The following TOX2 variants were observed in gnomAD, a reference collection of about 807,000 sequenced individuals.
The protein encoded by TOX2 is TOX high mobility group box family member 2, also known as granulosa cell HMG box 1.
A neutral mutation model predicts 47.4 loss-of-function variants in TOX2; 15 were observed. The ratio of observed to expected loss-of-function variants is 0.32; its 90% confidence interval spans 0.21 to 0.49. The LOEUF (loss-of-function observed/expected upper bound fraction) is 0.49, where lower values mean the gene tolerates loss of function less well. TOX2 is among the 20% of genes least tolerant of loss of function. TOX2 has a pLI of 0.99. For missense variants in TOX2, 622 were observed against 673.1 expected, an observed-to-expected ratio of 0.92 and a Z score of 0.84; for synonymous variants, 290 against 296.6, an observed-to-expected ratio of 0.98 and a Z score of 0.23.
chr20:44,053,613 T>C (rs1021748047), intron 4 of TOX2, among the ~76,000 whole-genome samples: 1 of 146,768 alleles, frequency 6.8e-6, no homozygotes, highest in Admixed American at 7.0e-5. Flanking sequence ...TATATACATA[T>C]ACACACACAC....
rs114015214 is a variant in TOX2, at chr20:44,005,319, A to G, written c.166-1228A>G. On this transcript the variant is annotated intron_variant, in intron 2 of 8. Transcript: ENST00000341197. ...AACTCTCTTTCATATTTCCTTTTTG[A>G]CCGTCTATGCCAAACTCTGGATAAT... Among the ~76,000 whole-genome samples the G allele has an allele frequency of 8.3e-3, 1,261 of 152,190 alleles. 23 individuals are homozygous for G. Among genetic ancestry groups the G allele is most frequent in the African/African-American group, 0.029 (1,186 of 41,520 alleles).
At chr20:43,999,105 G>A (rs1569079963) in intron 2 of TOX2, among the ~76,000 whole-genome samples, 1 of 152,142 alleles carries the variant, frequency 6.6e-6, no homozygotes, top group East Asian at 1.9e-4. Flanking sequence ...TTTTAGGCAT[G>A]TCTATTATAA....
intron 1 of TOX2, among the ~76,000 whole-genome samples, chr20:43,920,704 A>C (rs987376775): frequency 7.2e-5 from 11 of 151,934 alleles, no homozygotes; most frequent in African/African-American, 2.7e-4. Context: ...GCCTGTCAGC[A>C]CCCTTCTTTG....
intron 5 of TOX2, among the ~76,000 whole-genome samples, chr20:44,063,238 C>G (rs1408213117): frequency 6.6e-6 from 1 of 151,988 alleles, no homozygotes; most frequent in Non-Finnish European, 1.5e-5. Context: ...TCTATACTTT[C>G]GACAAAGGAC....
chr20:43,954,539 G>A (rs1032126333), intron 1 of TOX2, among the ~76,000 whole-genome samples: 10 of 152,186 alleles, frequency 6.6e-5, no homozygotes, highest in African/African-American at 2.2e-4. Flanking sequence ...AAACCTCTGC[G>A]GAAAGATGAA....
chr20:43,978,624 T>C (rs1231718290), intron 2 of TOX2, among the ~76,000 whole-genome samples: 2 of 152,220 alleles, frequency 1.3e-5, no homozygotes, highest in African/African-American at 4.8e-5. Flanking sequence ...CAAATGCCTA[T>C]TTGTTCCTTC....
At chr20:43,992,016 C>G (rs768369111) in intron 2 of TOX2, among the ~76,000 whole-genome samples, 3 of 152,148 alleles carry the variant, frequency 2.0e-5, no homozygotes, top group Non-Finnish European at 4.4e-5. Context: ...GGTAGGGGAG[C>G]TGGGTGTGCC....
chr20:43,990,578 C>T (rs542416786), intron 2 of TOX2, among the ~76,000 whole-genome samples: 2 of 152,346 alleles, frequency 1.3e-5, no homozygotes, highest in South Asian at 4.1e-4. Context: ...GGGGCCAGCA[C>T]ACCTAGGTGA....
chr20:44,037,806 GA>G (rs2071265245), intron 3 of TOX2, among the ~76,000 whole-genome samples: 1 of 152,168 alleles, frequency 6.6e-6, no homozygotes, highest in African/African-American at 2.4e-5. Context: ...AGAATGAACT[GA>G]TACAGAAAAT....
intron 1 of TOX2, among the ~76,000 whole-genome samples, chr20:43,942,903 T>A (rs985033594): frequency 4.6e-5 from 7 of 152,212 alleles, no homozygotes; most frequent in Non-Finnish European, 8.8e-5. Flanking sequence ...ACTAAAAAAA[T>A]GCTGAGTTTC....
intron 2 of TOX2, among the ~76,000 whole-genome samples, chr20:43,985,354 C>T (rs1386906387): frequency 1.3e-5 from 2 of 152,196 alleles, no homozygotes; most frequent in Non-Finnish European, 2.9e-5. Flanking sequence ...GAGGGCCCCG[C>T]AATGAGGCTG....
chr20:44,050,353 C>A (rs1025307411), intron 3 of TOX2, among the ~76,000 whole-genome samples: 2 of 152,090 alleles, frequency 1.3e-5, no homozygotes, highest in African/African-American at 2.4e-5. Context: ...AGAAAAGAAA[C>A]AACCCACATA....
At chr20:43,976,779 C>CGT (rs1569054295) in intron 2 of TOX2, among the ~76,000 whole-genome samples, 4 of 135,460 alleles carry the variant, frequency 3.0e-5, no homozygotes, top group Non-Finnish European at 6.1e-5. Flanking sequence ...CGCGAGCGCG[C>CGT]GCGCACACAC....
At chr20:44,067,155 G>T (rs551915573) in intron 8 of TOX2, among the ~76,000 whole-genome samples, 2 of 152,142 alleles carry the variant, frequency 1.3e-5, no homozygotes, top group African/African-American at 4.8e-5. Context: ...GATGAGTCCT[G>T]CATCTTAGGC....
chr20:43,971,822 A>G (rs1320484139), intron 1 of TOX2, among the ~76,000 whole-genome samples: 1 of 152,252 alleles, frequency 6.6e-6, no homozygotes, highest in African/African-American at 2.4e-5. Flanking sequence ...AGAAAAATAA[A>G]GTGCAAAACT....
chr20:44,037,805 T>G (rs1448147383), intron 3 of TOX2, among the ~76,000 whole-genome samples: 3 of 152,186 alleles, frequency 2.0e-5, no homozygotes, highest in African/African-American at 7.2e-5. Flanking sequence ...GAGAATGAAC[T>G]GATACAGAAA....
chr20:43,941,083 C>T (rs534435607), intron 1 of TOX2, among the ~76,000 whole-genome samples: 1 of 152,070 alleles, frequency 6.6e-6, no homozygotes, highest in Non-Finnish European at 1.5e-5. Flanking sequence ...GGAAATCAAC[C>T]CTGGTAATCA....
Position 43,914,939 on chromosome 20 carries a change from C to T in TOX2, c.48C>T (p.Pro16=), listed in dbSNP as rs2069038949. ...YPSAPAVGAR[P]GAEPAGLAHL... Reference sequence around the variant, plus strand: ...CGGCGCCCGCGGTGGGCGCGCGGCCCGGGGCCGAGCCGGCCGGCCTGGCGC... The same window carrying T: ...CGGCGCCCGCGGTGGGCGCGCGGCCTGGGGCCGAGCCGGCCGGCCTGGCGC... Residue 16 remains proline, a synonymous_variant, in exon 1 of 9, where the codon CCC becomes CCT. Transcript: ENST00000341197. The surrounding 1 kb of genome is among the most constrained non-coding windows in gnomAD (Gnocchi z 4.5). The T allele has an allele frequency of 8.1e-7, 1 of 1,231,354 alleles. No homozygotes were observed. The highest frequency in any genetic ancestry group is 2.7e-5 in the South Asian group (1 of 37,182). The allele number at this position is 1,231,354 out of a possible 1,614,324, so 76.3% of individuals were successfully genotyped here.
At chr20:43,984,727 T>C (rs2070235412) in intron 2 of TOX2, among the ~76,000 whole-genome samples, 1 of 152,188 alleles carries the variant, frequency 6.6e-6, no homozygotes, top group Non-Finnish European at 1.5e-5. Flanking sequence ...TTATGGCATA[T>C]AGTTTTGTTT....
Sources: allele counts gnomAD v4.1 joint callset (sites outside exome capture counted in the v4.1 genomes callset), GRCh38; gene constraint gnomAD v4.1.1; non-coding constraint Gnocchi (gnomAD v3.1); transcripts MANE v1.5; gene names NCBI Gene and HGNC (gene_info 2026-07-23, HGNC 2026-07-21).